NEDD4L: variants seen among roughly 807,000 people sequenced by gnomAD.
NEDD4L encodes the protein E3 ubiquitin-protein ligase NEDD4-like.
In NEDD4L, 54 loss-of-function variants were observed where a neutral mutation model predicts 148.9. The observed-to-expected ratio is 0.36, with a 90% CI of 0.29 to 0.45. NEDD4L has a LOEUF of 0.45. NEDD4L is among the 20% of genes least tolerant of loss of function. The pLI is 1.00. For synonymous variants in NEDD4L, 433 were observed against 440.7 expected (o/e 0.98, Z 0.22); for missense variants, 856 against 1,233.8 (o/e 0.69, Z 4.59).
At chr18:58,105,220 T>C (rs987381245) in intron 1 of NEDD4L, among the ~76,000 whole-genome samples, 1 of 152,212 alleles carries the variant, frequency 6.6e-6, no homozygotes, top group African/African-American at 2.4e-5. Context: ...GCGCTAGGAC[T>C]GAAGGTATGA....
intron 1 of NEDD4L, among the ~76,000 whole-genome samples, chr18:58,066,944 T>C (rs1459676708): frequency 6.6e-6 from 1 of 152,166 alleles, no homozygotes; most frequent in East Asian, 1.9e-4. Flanking sequence ...GGATTGCAAT[T>C]CCACATGAGA....
chr18:58,392,231 C>G (rs1286117602), intron 30 of NEDD4L, among the ~76,000 whole-genome samples: 1 of 152,232 alleles, frequency 6.6e-6, no homozygotes, highest in Non-Finnish European at 1.5e-5. Flanking sequence ...AACTCAAACT[C>G]CCATGTCCCT....
intron 28 of NEDD4L, chr18:58,389,936 T>C (rs1048288938): frequency 2.0e-5 from 3 of 152,192 alleles, no homozygotes; most frequent in African/African-American, 7.2e-5. Flanking sequence ...CTCAAAGTGC[T>C]GGGATTACAG....
intron 24 of NEDD4L, among the ~76,000 whole-genome samples, chr18:58,380,839 T>A (rs542735396): frequency 9.5e-4 from 145 of 152,286 alleles, no homozygotes; most frequent in Middle Eastern, 6.8e-3. Context: ...TTCAGCAAAC[T>A]AACACAGAAA....
intron 5 of NEDD4L, among the ~76,000 whole-genome samples, chr18:58,258,392 A>G (rs575475700): frequency 1.3e-5 from 2 of 152,346 alleles, no homozygotes; most frequent in Admixed American, 6.5e-5. Context: ...TAACTATTCA[A>G]TTATATTACC....
chr18:58,283,168 C>T (rs1162929516), intron 5 of NEDD4L, among the ~76,000 whole-genome samples: 4 of 152,124 alleles, frequency 2.6e-5, no homozygotes, highest in East Asian at 1.9e-4. Flanking sequence ...CTCCACTTCC[C>T]GGGTTCAAGC....
At chr18:58,365,691 C>G (rs1219859544) in intron 20 of NEDD4L, among the ~76,000 whole-genome samples, 7 of 152,182 alleles carry the variant, frequency 4.6e-5, no homozygotes, top group Admixed American at 2.6e-4. Context: ...GACTGCCTTT[C>G]GGTTGCCCTA....
intron 2 of NEDD4L, among the ~76,000 whole-genome samples, chr18:58,187,475 A>G (rs963421): frequency 0.23 from 35,303 of 152,100 alleles, 4,683 homozygotes; most frequent in East Asian, 0.38. Context: ...GAAGAGCAAT[A>G]AAGAAAAAAT....
intron 5 of NEDD4L, among the ~76,000 whole-genome samples, chr18:58,283,216 C>T (rs1287524608): frequency 2.0e-5 from 3 of 152,190 alleles, no homozygotes; most frequent in African/African-American, 7.2e-5. Context: ...GCTGGGATTA[C>T]AGGTGCACGC....
At chr18:58,117,647 C>T (rs1015684747) in intron 1 of NEDD4L, among the ~76,000 whole-genome samples, 7 of 152,130 alleles carry the variant, frequency 4.6e-5, no homozygotes, top group East Asian at 1.9e-4. Flanking sequence ...GGTGTGGGCA[C>T]CTGTATACAT....
At chr18:58,312,784 G>A (rs576867051) in intron 5 of NEDD4L, among the ~76,000 whole-genome samples, 26 of 152,286 alleles carry the variant, frequency 1.7e-4, no homozygotes, top group African/African-American at 5.3e-4. Flanking sequence ...GGGTTCAAGC[G>A]ATTCTCCTGC....
chr18:58,392,703 A>G (rs1000707365), intron 30 of NEDD4L, among the ~76,000 whole-genome samples: 1 of 152,152 alleles, frequency 6.6e-6, no homozygotes, highest in Non-Finnish European at 1.5e-5. Context: ...AGAATGTTTG[A>G]GTAGTTCAGA....
intron 2 of NEDD4L, among the ~76,000 whole-genome samples, chr18:58,201,592 A>T (rs1028215305): frequency 6.6e-6 from 1 of 152,188 alleles, no homozygotes; most frequent in Non-Finnish European, 1.5e-5. Context: ...ATGTTTCTCT[A>T]TATGAGTTCA....
intron 2 of NEDD4L, among the ~76,000 whole-genome samples, chr18:58,243,505 G>C (rs776199840): frequency 1.3e-5 from 2 of 152,284 alleles, no homozygotes; most frequent in South Asian, 4.1e-4. Flanking sequence ...GTTCTACCCC[G>C]GATTGAATTC....
intron 1 of NEDD4L, among the ~76,000 whole-genome samples, chr18:58,155,859 T>C (rs2035424775): frequency 6.6e-6 from 1 of 152,200 alleles, no homozygotes; most frequent in South Asian, 2.1e-4. Flanking sequence ...CAGTTGCACA[T>C]GGACTGTTCT....
chr18:58,186,992 A>G (rs895101727), intron 2 of NEDD4L, among the ~76,000 whole-genome samples: 2 of 152,236 alleles, frequency 1.3e-5, no homozygotes, highest in African/African-American at 4.8e-5. Flanking sequence ...ACTCTTGTTC[A>G]TGCTCTCAGG....
rs571577001 is a variant in NEDD4L, at chr18:58,242,526, G to T, written c.123-2901G>T. On this transcript the variant is annotated intron_variant, in intron 2 of 30. Transcript: ENST00000400345. ...ATGAGACAGGGTCTCACTCTGTCCG[G>T]GTCTCACTCTGTCGCCCATCCTGGA... Among the ~76,000 whole-genome samples the T allele has an allele frequency of 7.9e-5, 12 of 151,828 alleles. No homozygotes were observed. The East Asian group carries it at 2.4e-3, about 30-fold the overall frequency.
Position 58,325,139 on chromosome 18 carries a change from T to C in NEDD4L, c.657T>C (p.Thr219=), listed in dbSNP as rs373158165. The change falls in exon 9 of 31, where the codon ACT becomes ACC. Residue 219 remains threonine (T), a synonymous_variant. Coordinates refer to ENST00000400345, the MANE Select transcript of NEDD4L (RefSeq NM_001144967.3). The stretch of plus-strand genomic sequence containing the variant: ...ATGTCAACCACAACAACCGGACCAC[T>C]CAGTGGCACAGACCAAGCCTGATGT... ...TYYVNHNNRT[T]QWHRPSLMDV... is the part of the protein sequence containing the mutation. The C allele has an allele frequency of 1.2e-6, 2 of 1,613,874 alleles. No homozygotes were observed. Among genetic ancestry groups the C allele is most frequent in the Admixed American group, 3.3e-5 (2 of 60,006 alleles).
At chr18:58,253,798 T>C (rs981297737) in intron 5 of NEDD4L, among the ~76,000 whole-genome samples, 2 of 152,210 alleles carry the variant, frequency 1.3e-5, no homozygotes, top group Non-Finnish European at 2.9e-5. Flanking sequence ...AAATAATGAC[T>C]GTAGTTGAGG....
Sources: gnomAD v4.1 joint callset for allele counts (sites outside exome capture counted in the v4.1 genomes callset) on GRCh38, gnomAD v4.1.1 for gene constraint, MANE v1.5 for transcripts, NCBI Gene and HGNC (gene_info 2026-07-23, HGNC 2026-07-21) for gene names.